USP12: variants seen among roughly 807,000 people sequenced by gnomAD.
USP12 encodes the protein ubiquitin carboxyl-terminal hydrolase 12.
A neutral mutation model predicts 45.5 loss-of-function variants in USP12; 19 were observed. The observed-to-expected ratio is 0.42, with a 90% CI of 0.29 to 0.61. USP12 has a LOEUF of 0.61. Among genes scored for constraint, USP12 ranks in the 20% least tolerant of loss-of-function variants. USP12 has a pLI of 0.22. For synonymous variants in USP12, 149 were observed against 148.8 expected (o/e 1.00, Z -0.01); for missense variants, 242 against 447.7 (o/e 0.54, Z 4.15).
intron 6 of USP12, among the ~76,000 whole-genome samples, chr13:27,080,842 C>G (rs1045566543): frequency 6.6e-6 from 1 of 152,008 alleles, no homozygotes; most frequent in Non-Finnish European, 1.5e-5. Flanking sequence ...AGCATTATGT[C>G]TGAAAAAAGT....
At chr13:27,122,150 CG>C (rs1418852175) in intron 1 of USP12, among the ~76,000 whole-genome samples, 1 of 152,040 alleles carries the variant, frequency 6.6e-6, no homozygotes, top group Non-Finnish European at 1.5e-5. Flanking sequence ...GGCGAAACCC[CG>C]TGATATGGTT....
chr13:27,169,661 C>T (rs1399340101), intron 1 of USP12, among the ~76,000 whole-genome samples: 1 of 152,144 alleles, frequency 6.6e-6, no homozygotes, highest in African/African-American at 2.4e-5. Flanking sequence ...GATTTGACAT[C>T]CTTGGGATCA....
At chr13:27,155,190 T>G (rs1316346868) in intron 1 of USP12, among the ~76,000 whole-genome samples, 1 of 147,776 alleles carries the variant, frequency 6.8e-6, no homozygotes, top group Non-Finnish European at 1.5e-5. Context: ...CAAGCAATTC[T>G]CCTGCCTCAG....
chr13:27,167,687 T>A (rs1482121725), intron 1 of USP12, among the ~76,000 whole-genome samples: 1 of 151,852 alleles, frequency 6.6e-6, no homozygotes, highest in Non-Finnish European at 1.5e-5. Context: ...AATTTACAAA[T>A]AAATATTTTA....
intron 3 of USP12, among the ~76,000 whole-genome samples, chr13:27,101,706 T>G (rs1874868750): frequency 6.6e-6 from 1 of 152,206 alleles, no homozygotes; most frequent in African/African-American, 2.4e-5. Flanking sequence ...TCCTCATAAT[T>G]CAGAAATAGC....
chr13:27,119,674 T>C (rs972092684), intron 1 of USP12, among the ~76,000 whole-genome samples: 3 of 152,338 alleles, frequency 2.0e-5, no homozygotes, highest in East Asian at 1.9e-4. Flanking sequence ...TCTGAAGACA[T>C]TACTGTTTTA....
chr13:27,113,255 T>A (rs909356581), intron 2 of USP12, among the ~76,000 whole-genome samples: 2 of 151,816 alleles, frequency 1.3e-5, no homozygotes, highest in Non-Finnish European at 2.9e-5. Context: ...AGACCCTTTC[T>A]CAAAACAAAA....
intron 2 of USP12, among the ~76,000 whole-genome samples, chr13:27,113,859 G>C (rs962277218): frequency 6.6e-6 from 1 of 152,082 alleles, no homozygotes; most frequent in Non-Finnish European, 1.5e-5. Context: ...CAATACAAAA[G>C]AAAAGAGAAC....
At chr13:27,162,925 T>G (rs1422756172) in intron 1 of USP12, 2 of 152,156 alleles carry the variant, frequency 1.3e-5, no homozygotes, top group South Asian at 2.1e-4. Flanking sequence ...CCTGTGTGGG[T>G]GTGTATTTAT....
chr13:27,088,841 C>T (rs1409168258), intron 6 of USP12, among the ~76,000 whole-genome samples: 7 of 152,146 alleles, frequency 4.6e-5, no homozygotes, highest in Admixed American at 4.6e-4. Context: ...ATGTTGAGCA[C>T]TGTGAGTCCT....
Position 27,066,862 on chromosome 13 carries a change from C to T in USP12, c.*2421G>A, listed in dbSNP as rs1873019333. ...CTTTCTTCATGGGTCACTTTTCTTA[C>T]TTACTATACCTGTATTTTTCCCCCA... On this transcript the variant is annotated 3_prime_UTR_variant, in exon 9 of 9. Coordinates refer to ENST00000282344, the MANE Select transcript of USP12 (RefSeq NM_182488.4). 1 of 152,176 alleles carries T rather than the reference C, an allele frequency of 6.6e-6. No individual in the cohort carries two copies. Among genetic ancestry groups the T allele is most frequent in the Non-Finnish European group, 1.5e-5 (1 of 68,028 alleles). The allele number at this position is 152,176 out of a possible 1,614,324, so 9.4% of individuals were successfully genotyped here.
chr13:27,155,787 A>G (rs1877811833), intron 1 of USP12, among the ~76,000 whole-genome samples: 1 of 152,224 alleles, frequency 6.6e-6, no homozygotes, highest in African/African-American at 2.4e-5. Flanking sequence ...TTCACTTGTA[A>G]TATCACAAAA....
intron 1 of USP12, among the ~76,000 whole-genome samples, chr13:27,127,810 G>A (rs1308755465): frequency 6.6e-6 from 1 of 152,098 alleles, no homozygotes; most frequent in Non-Finnish European, 1.5e-5. Context: ...ATTAATCACT[G>A]CGCAAGTAAC....
chr13:27,111,516 C>A (rs1388851172), intron 2 of USP12, among the ~76,000 whole-genome samples: 1 of 152,126 alleles, frequency 6.6e-6, no homozygotes, highest in Non-Finnish European at 1.5e-5. Flanking sequence ...TACTCGAGGT[C>A]TTATCATTGA....
intron 7 of USP12, among the ~76,000 whole-genome samples, chr13:27,074,898 T>C (rs936593629): frequency 9.9e-5 from 15 of 151,942 alleles, no homozygotes; most frequent in African/African-American, 3.6e-4. Context: ...CAACCCTCTA[T>C]ACACACACCC....
rs538541377 is a variant in USP12, at chr13:27,126,323, T to C, written c.49-9727A>G. Among the ~76,000 whole-genome samples, 7 of 152,274 alleles carry C rather than the reference T, an allele frequency of 4.6e-5. No individual in the cohort carries two copies. In the East Asian group the frequency reaches 1.4e-3, roughly 29 times the overall value. ...GCTGTTCTGCAGCCTCTGCTGGTGA[T>C]ACCCAGGCAAACAGGGTCTGGAGTG... On this transcript the variant is annotated intron_variant, in intron 1 of 8. Transcript: ENST00000282344.
At chr13:27,078,185 C>A (rs1043092674) in intron 6 of USP12, among the ~76,000 whole-genome samples, 2 of 150,508 alleles carry the variant, frequency 1.3e-5, no homozygotes, top group African/African-American at 4.9e-5. Context: ...ATTCAACCAG[C>A]CATGAATTGA....
intron 2 of USP12, 21 bp downstream of exon 2, chr13:27,116,495 A>G: frequency 1.2e-6 from 2 of 1,608,916 alleles, no homozygotes; most frequent in East Asian, 2.2e-5. Context: ...TGATTCTAAA[A>G]GCGTATCAAT....
chr13:27,143,554 T>C (rs1179491744), intron 1 of USP12, among the ~76,000 whole-genome samples: 1 of 152,190 alleles, frequency 6.6e-6, no homozygotes, highest in Admixed American at 6.5e-5. Flanking sequence ...GAAAAAGCTA[T>C]TGGTCAACTG....
Sources: allele counts gnomAD v4.1 joint callset (sites outside exome capture counted in the v4.1 genomes callset), GRCh38; gene constraint gnomAD v4.1.1; transcripts MANE v1.5; gene names NCBI Gene and HGNC (gene_info 2026-07-23, HGNC 2026-07-21).